CADPS: variants seen among roughly 807,000 people sequenced by gnomAD.
CADPS encodes calcium dependent secretion activator.
In CADPS, 57 loss-of-function variants were observed where a neutral mutation model predicts 167.3. The observed-to-expected ratio is 0.34, with a 90% CI of 0.28 to 0.42. The LOEUF is 0.42. Ranked by LOEUF, CADPS falls within the 20% of genes least tolerant of loss-of-function variation. The pLI is 1.00. For synonymous variants in CADPS, 676 were observed against 635.3 expected, an observed-to-expected ratio of 1.06 and a Z score of -0.96; for missense variants, 1,414 against 1,738.1, an observed-to-expected ratio of 0.81 and a Z score of 3.32.
In CADPS at chr3:62,755,097, CTG is replaced by C. The variant is rs1347821151; in HGVS notation, c.556-1326_556-1325del. Among the ~76,000 whole-genome samples, 3 of 152,226 alleles carry C rather than the reference CTG, an allele frequency of 2.0e-5. No homozygotes were observed. In the East Asian group the frequency reaches 5.8e-4, roughly 29 times the overall value. Reference sequence around the variant, plus strand: ...TTAAGTTTATTTTGTAGATGAAAAACTGAGACTTCAGAGAGGGGAAGGGACTT... The same window carrying C: ...TTAAGTTTATTTTGTAGATGAAAAACAGACTTCAGAGAGGGGAAGGGACTT... On this transcript the variant is annotated intron_variant, in intron 2 of 29. Coordinates refer to ENST00000383710, the MANE Select transcript of CADPS (RefSeq NM_003716.4).
chr3:62,486,073 T>C (rs1255323617), intron 21 of CADPS, among the ~76,000 whole-genome samples: 1 of 152,214 alleles, frequency 6.6e-6, no homozygotes, highest in African/African-American at 2.4e-5. Context: ...TGTTCCACCA[T>C]AGTAACAATT....
chr3:62,571,013 G>A (rs1171646051), intron 8 of CADPS, 75 bp from the exon 9 acceptor site: 1 of 992,032 alleles, frequency 1.0e-6, no homozygotes, highest in Non-Finnish European at 1.6e-6. Flanking sequence ...TTGCCGTGAA[G>A]CTTGGTACTT....
chr3:62,835,673 G>A (rs1025135369), intron 1 of CADPS, among the ~76,000 whole-genome samples: 2 of 152,098 alleles, frequency 1.3e-5, no homozygotes, highest in African/African-American at 4.8e-5. Context: ...CACAGAAGGG[G>A]CAAAAATTGA....
chr3:62,482,207 G>A (rs2062117023), intron 21 of CADPS, among the ~76,000 whole-genome samples: 1 of 152,172 alleles, frequency 6.6e-6, no homozygotes, highest in African/African-American at 2.4e-5. Flanking sequence ...GAAGTTCCTG[G>A]AATTCTTGGT....
In CADPS at chr3:62,635,400, T is replaced by C. The variant is rs182545769; in HGVS notation, c.1325+10322A>G. On this transcript the variant is annotated intron_variant, in intron 6 of 29. Transcript: ENST00000383710. ...GAGACAAGAGCCCTCTTTTCATTCC[T>C]TCCCTCTCTAGTAAATTTACAGAAG... 1.3e-5 allele frequency among the ~76,000 whole-genome samples: 2 copies of C among 152,282 alleles called. 1 individual carries two copies. The highest frequency in any genetic ancestry group is 1.3e-4 in the Admixed American group (2 of 15,292).
At chr3:62,806,609 T>C (rs1254741786) in intron 1 of CADPS, among the ~76,000 whole-genome samples, 2 of 152,180 alleles carry the variant, frequency 1.3e-5, no homozygotes, top group Non-Finnish European at 1.5e-5. Flanking sequence ...TGTGTGTTAC[T>C]GGTCCCCTTT....
In CADPS at chr3:62,753,931, A is replaced by C. The variant is rs2083281051; in HGVS notation, c.556-158T>G. Among the ~76,000 whole-genome samples the C allele has an allele frequency of 6.6e-6, 1 of 152,180 alleles. No homozygotes were observed. The highest frequency in any genetic ancestry group is 1.5e-5 in the Non-Finnish European group (1 of 68,028). On this transcript the variant is annotated intron_variant, in intron 2 of 29. Coordinates refer to ENST00000383710, the MANE Select transcript of CADPS (RefSeq NM_003716.4). The surrounding 1 kb of genome is among the most constrained non-coding windows in gnomAD (Gnocchi z 4.6). Reference sequence around the variant, plus strand: ...CACCACCTCCTGGCTGTGCAAACTCAGAGTAGTCTCTTACACATTCTGCTT... The same window carrying C: ...CACCACCTCCTGGCTGTGCAAACTCCGAGTAGTCTCTTACACATTCTGCTT...
In CADPS at chr3:62,648,691, C is replaced by CAAAAAAAAAAAA. The variant is rs55665003; in HGVS notation, c.1203+2144_1203+2155dup. ...TGGGCAACAGAGTGAGACGTTGTGT[C>CAAAAAAAAAAAA]AAAAAAAAAAAAAAGAGGAAAGAAA... On this transcript the variant is annotated intron_variant, in intron 5 of 29. Coordinates refer to ENST00000383710, the MANE Select transcript of CADPS (RefSeq NM_003716.4). Among the ~76,000 whole-genome samples the CAAAAAAAAAAAA allele has an allele frequency of 3.5e-3, 192 of 54,540 alleles. 44 individuals carry two copies. The highest frequency in any genetic ancestry group is 6.6e-3 in the African/African-American group (111 of 16,738). The allele number at this position is 54,540 out of a possible 152,430, so 35.8% of individuals were successfully genotyped here.
chr3:62,455,853 G>A lies in CADPS; in HGVS notation c.3636+9514C>T, dbSNP rs1298732160. Among the ~76,000 whole-genome samples, 2 of 152,168 alleles carry A rather than the reference G, an allele frequency of 1.3e-5. No individual in the cohort carries two copies. The highest frequency in any genetic ancestry group is 1.5e-5 in the Non-Finnish European group (1 of 68,028). ...TTACTGAATAGTAATGCTTCTGCAC[G>A]AAGGGGTCACTTGTGACCTCTGGTG... On this transcript the variant is annotated intron_variant, in intron 26 of 29. Coordinates refer to ENST00000383710, the MANE Select transcript of CADPS (RefSeq NM_003716.4). The surrounding 1 kb of genome is among the most constrained non-coding windows in gnomAD (Gnocchi z 4.4).
At chr3:62,549,362 G>C (rs2076968824) in intron 11 of CADPS, among the ~76,000 whole-genome samples, 2 of 151,364 alleles carry the variant, frequency 1.3e-5, no homozygotes, top group African/African-American at 4.9e-5. Context: ...ACTCGAATAT[G>C]AACTGGGGCT....
intron 13 of CADPS, among the ~76,000 whole-genome samples, chr3:62,522,084 C>T (rs1397986506): frequency 1.3e-5 from 2 of 150,922 alleles, no homozygotes; most frequent in African/African-American, 4.9e-5. Context: ...TGAAAGGTCG[C>T]ATCCTCAAAG....
chr3:62,782,211 A>C (rs2091763296), intron 1 of CADPS, among the ~76,000 whole-genome samples: 1 of 152,214 alleles, frequency 6.6e-6, no homozygotes, highest in Non-Finnish European at 1.5e-5. Context: ...ATTTTTGTAC[A>C]AGGTGGGCAT....
At position 62,657,464 on chromosome 3, in the gene CADPS, T is replaced by C. The variant is rs74879463; in HGVS notation, c.969+4850A>G. Among the ~76,000 whole-genome samples, 535 of 152,326 alleles carry C rather than the reference T, an allele frequency of 3.5e-3. 4 individuals carry two copies. The highest frequency in any genetic ancestry group is 0.012 in the African/African-American group (506 of 41,578). ...AGCAGCACTAATGCCACAATCTGTC[T>C]GCTTAAGCTCAAATGTCAACTTTTG... is the stretch of plus-strand genomic sequence containing the variant. On this transcript the variant is annotated intron_variant, in intron 4 of 29. Coordinates refer to ENST00000383710, the MANE Select transcript of CADPS (RefSeq NM_003716.4).
At chr3:62,535,392 G>C (rs2074478982) in intron 12 of CADPS, among the ~76,000 whole-genome samples, 1 of 151,142 alleles carries the variant, frequency 6.6e-6, no homozygotes, top group Non-Finnish European at 1.5e-5. Flanking sequence ...CTGTGTTTAA[G>C]ACTATTTTAT....
At chr3:62,444,898 C>T (rs920579214) in intron 27 of CADPS, among the ~76,000 whole-genome samples, 1 of 152,162 alleles carries the variant, frequency 6.6e-6, no homozygotes, top group African/African-American at 2.4e-5. Flanking sequence ...ATGCTTAGTA[C>T]AAGACCCTTG....
At chr3:62,683,804 G>A (rs1332414603) in intron 3 of CADPS, among the ~76,000 whole-genome samples, 1 of 151,942 alleles carries the variant, frequency 6.6e-6, no homozygotes, top group East Asian at 1.9e-4. Flanking sequence ...CAGGTATTTT[G>A]TGGAATGTCC....
chr3:62,862,079 T>C (rs2080901023), intron 1 of CADPS, among the ~76,000 whole-genome samples: 1 of 151,742 alleles, frequency 6.6e-6, no homozygotes, highest in Non-Finnish European at 1.5e-5. Context: ...AAATCCAAGA[T>C]CCTAAATATA....
intron 29 of CADPS, among the ~76,000 whole-genome samples, chr3:62,402,783 C>T (rs1427411772): frequency 6.6e-6 from 1 of 152,148 alleles, no homozygotes; most frequent in Admixed American, 6.5e-5. Context: ...CACCAAAAGC[C>T]AGTTTTTGAA....
chr3:62,639,764 C>G (rs116078600), intron 6 of CADPS, among the ~76,000 whole-genome samples: 3 of 152,128 alleles, frequency 2.0e-5, no homozygotes. Context: ...CCCCTAAGAC[C>G]TGTAAGTTGT....
Sources: gnomAD v4.1 joint callset for allele counts (sites outside exome capture counted in the v4.1 genomes callset) on GRCh38, gnomAD v4.1.1 for gene constraint, Gnocchi (gnomAD v3.1) non-coding constraint, MANE v1.5 for transcripts, NCBI Gene and HGNC (gene_info 2026-07-23, HGNC 2026-07-21) for gene names.